Variants in F3 observed in about 807,000 individuals in gnomAD.
The protein encoded by F3 is coagulation factor III, tissue factor.
Under a neutral mutation model 33.5 loss-of-function variants are expected in F3, and 18 were observed. That is an observed-to-expected ratio of 0.54 (90% CI 0.37 to 0.80). The LOEUF (loss-of-function observed/expected upper bound fraction) is 0.80, where lower values mean the gene tolerates loss of function less well. Among genes scored for constraint, F3 ranks in the 30% least tolerant of loss-of-function variants. The pLI is 0.00. For missense variants in F3, 353 were observed against 362.1 expected (o/e 0.97, Z 0.20); for synonymous variants, 147 against 140.7 (o/e 1.05, Z -0.32).
At position 94,536,000 on chromosome 1, in the gene F3, T is replaced by C; in HGVS notation, c.377A>G (p.Tyr126Cys). The C allele has an allele frequency of 2.5e-6, 4 of 1,614,198 alleles. No individual in the cohort carries two copies. Among genetic ancestry groups the C allele is most frequent in the Non-Finnish European group, 3.4e-6 (4 of 1,180,040 alleles). ...AGGTGTGAACTCTGGGGAGTTCTCA[T>C]ACAGAGGCTCCCCAGCAGAACCGGT... ...ESTGSAGEPL[Y>C]ENSPEFTPYL... The change falls in exon 3 of 6, where the codon TAT becomes TGT. Residue 126 changes from tyrosine to cysteine, a missense_variant. Coordinates refer to ENST00000334047, the MANE Select transcript of F3 (RefSeq NM_001993.5).
rs910415288 is a variant in F3 at position 94,529,428 on chromosome 1, T to A, written c.*1032A>T. 9 of 152,588 alleles carry A rather than the reference T, an allele frequency of 5.9e-5. No individual in the cohort carries two copies. Among genetic ancestry groups the A allele is most frequent in the Non-Finnish European group, 1.0e-4 (7 of 68,024 alleles). The allele number at this position is 152,588 out of a possible 1,614,324, so 9.5% of individuals were successfully genotyped here. A position where few individuals can be genotyped will look rare whatever the true frequency, so the allele number is the denominator to read the frequency against. Reference sequence around the variant, plus strand: ...AAAATCCCCATATAGAAAACCTTTTTAAAAAATTATATATACAATGTCAAC... The same window carrying A: ...AAAATCCCCATATAGAAAACCTTTTAAAAAAATTATATATACAATGTCAAC... On this transcript the variant is annotated 3_prime_UTR_variant, in exon 6 of 6. Coordinates refer to ENST00000334047, the MANE Select transcript of F3 (RefSeq NM_001993.5).
rs200075661 is a variant in F3 at position 94,539,515 on chromosome 1, A to G, written c.212+742T>C. On this transcript the variant is annotated intron_variant, in intron 2 of 5. Transcript: ENST00000334047. Reference sequence around the variant, plus strand: ...ATAATTTCCACAGCAGCTATTCTCTATTTCATAAGATCTCTACCAAGCCTC... The same window carrying G: ...ATAATTTCCACAGCAGCTATTCTCTGTTTCATAAGATCTCTACCAAGCCTC... Among the ~76,000 whole-genome samples, 5 of 152,286 alleles carry G rather than the reference A, an allele frequency of 3.3e-5. No homozygotes were observed. In the East Asian group the frequency reaches 9.7e-4, roughly 29 times the overall value.
At chr1:94,530,738 T>C in intron 5 of F3, 142 bp from the exon 6 acceptor site, 1 of 963,174 alleles carries the variant, frequency 1.0e-6, no homozygotes, top group African/African-American at 1.7e-5. Context: ...CACACTTACA[T>C]TAGGAAAGAA....
chr1:94,540,575 G>A, intron 1 of F3: 1 of 507,300 alleles, frequency 2.0e-6, no homozygotes. Flanking sequence ...GATTCACCTT[G>A]TAATCCCAGG....
chr1:94,533,301 A>G (rs1404800481), intron 3 of F3, 33 bp from the exon 4 acceptor site: 4 of 1,591,202 alleles, frequency 2.5e-6, no homozygotes, highest in Non-Finnish European at 3.4e-6. Context: ...GGTTGGAACC[A>G]AAGAATTCTG....
At position 94,529,520 on chromosome 1, in the gene F3, G is replaced by C. The variant is rs770211913; in HGVS notation, c.*940C>G. ...TGTATAGTAGTCTTATAAAAATATAGTTAGCTCTCAAATGTTTAATGCCAC... is the reference window on the plus strand; with the variant it reads ...TGTATAGTAGTCTTATAAAAATATACTTAGCTCTCAAATGTTTAATGCCAC... On this transcript the variant is annotated 3_prime_UTR_variant, in exon 6 of 6. Coordinates refer to ENST00000334047, the MANE Select transcript of F3 (RefSeq NM_001993.5). 6.6e-6 allele frequency: 1 copy of C among 152,574 alleles called. No homozygotes were observed. Among genetic ancestry groups the C allele is most frequent in the Admixed American group, 6.5e-5 (1 of 15,288 alleles). 9.5% of individuals were successfully genotyped at this position (152,574 alleles called of 1,614,324 possible). A position where few individuals can be genotyped will look rare whatever the true frequency, so the allele number is the denominator to read the frequency against.
chr1:94,530,299 C>T lies in F3; in HGVS notation c.*161G>A, dbSNP rs1303606012. The T allele has an allele frequency of 3.7e-6, 3 of 807,472 alleles. No homozygotes were observed. Among genetic ancestry groups the T allele is most frequent in the Admixed American group, 2.8e-5 (1 of 35,798 alleles). The allele number at this position is 807,472 out of a possible 1,614,324, so 50.0% of individuals were successfully genotyped here. On this transcript the variant is annotated 3_prime_UTR_variant, in exon 6 of 6. Transcript: ENST00000334047. ...AAAGTGACTAATGCTGATGTCAAAA[C>T]CAGAATGCTAATGGTAATAACAGGT...
At position 94,532,441 on chromosome 1, in the gene F3, C is replaced by T; in HGVS notation, c.631G>A (p.Val211Met). 1 of 1,614,138 alleles carries T rather than the reference C, an allele frequency of 6.2e-7. No homozygotes were observed. The highest frequency in any genetic ancestry group is 8.5e-7 in the Non-Finnish European group (1 of 1,180,008). The change falls in exon 5 of 6, where the codon GTG becomes ATG. Residue 211 changes from valine (V) to methionine (M), a missense_variant. Coordinates refer to ENST00000334047, the MANE Select transcript of F3 (RefSeq NM_001993.5). ...AAACAGTAGTTTTCTCCTTTATCCACATCAATCAAAAACTCATTAGTGTTT... is the reference window on the plus strand; with the variant it reads ...AAACAGTAGTTTTCTCCTTTATCCATATCAATCAAAAACTCATTAGTGTTT... ...KTNTNEFLID[V>M]DKGENYCFSV...
intron 5 of F3, among the ~76,000 whole-genome samples, chr1:94,531,688 G>C (rs1651431229): frequency 2.0e-5 from 3 of 152,182 alleles, no homozygotes; most frequent in African/African-American, 7.2e-5. Context: ...GAGACACACA[G>C]GCTTGCAGCT....
At chr1:94,532,286 A>G (rs1341260777) in intron 5 of F3, 35 bp downstream of exon 5, 2 of 1,609,420 alleles carry the variant, frequency 1.2e-6, no homozygotes, top group Admixed American at 3.4e-5. Context: ...CACAGCACCC[A>G]TACCCCCAGG....
Position 94,540,300 on chromosome 1 carries a change from A to G in F3, c.169T>C (p.Trp57Arg), listed in dbSNP as rs28672143. Reference sequence around the variant, plus strand: ...ACTTGATTGACGGGTTTGGGTTCCCACTCCAAAATTGTCTTGAAATTAGTT... The same window carrying G: ...ACTTGATTGACGGGTTTGGGTTCCCGCTCCAAAATTGTCTTGAAATTAGTT... ...KSTNFKTILE[W>R]EPKPVNQVYT... The change falls in exon 2 of 6, where the codon TGG becomes CGG. Residue 57 changes from tryptophan to arginine, a missense_variant. By Grantham distance (101) the Trp-to-Arg change is moderately radical. Coordinates refer to ENST00000334047, the MANE Select transcript of F3 (RefSeq NM_001993.5). The G allele has an allele frequency of 6.2e-7, 1 of 1,613,970 alleles. No homozygotes were observed. Among genetic ancestry groups the G allele is most frequent in the South Asian group, 1.1e-5 (1 of 91,076 alleles).
chr1:94,532,343 G>A lies in F3; in HGVS notation c.729C>T (p.Gly243=), dbSNP rs769591046. The A allele has an allele frequency of 1.8e-5, 29 of 1,613,960 alleles. No homozygotes were observed. The highest frequency in any genetic ancestry group is 2.5e-5 in the Non-Finnish European group (29 of 1,180,024). Residue 243 remains glycine (G), a synonymous_variant, in exon 5 of 6, where the codon GGC becomes GGT. Transcript: ENST00000334047. ...CACCTCTGAATTCCCCTTTCTCCTG[G>A]CCCATACACTCTACCGGGCTGTCTG... ...KSTDSPVECM[G]QEKGEFREIF...
At position 94,536,109 on chromosome 1, in the gene F3, C is replaced by T. The variant is rs1268221929; in HGVS notation, c.268G>A (p.Asp90Asn). 6.2e-7 allele frequency: 1 copy of T among 1,614,160 alleles called. No individual in the cohort carries two copies. The highest frequency in any genetic ancestry group is 1.1e-5 in the South Asian group (1 of 91,082). ...TCCTTCACAATCTCGTCGGTGAGGT[C>T]ACACTCTGTGTCTGTTGTGTAAAAG... ...KCFYTTDTECDLTDEIVKDVK... is the reference protein window; with the variant it reads ...KCFYTTDTECNLTDEIVKDVK... The change falls in exon 3 of 6, where the codon GAC (aspartate) becomes AAC (asparagine). Residue 90 changes from aspartate (D) to asparagine (N), a missense_variant. Transcript: ENST00000334047.
chr1:94,538,366 C>A (rs555452603), intron 2 of F3, among the ~76,000 whole-genome samples: 3 of 152,314 alleles, frequency 2.0e-5, no homozygotes, highest in Admixed American at 6.5e-5. Flanking sequence ...GTGAAAAATG[C>A]AGTTGGAGTT....
Position 94,530,385 on chromosome 1 carries a change from C to G in F3, c.*75G>C. 1 of 1,576,184 alleles carries G rather than the reference C, an allele frequency of 6.3e-7. No homozygotes were observed. Among genetic ancestry groups the G allele is most frequent in the Non-Finnish European group, 8.6e-7 (1 of 1,156,758 alleles). ...GCTCCGAAATACTCATTTGCGTTTC[C>G]ATGTATTCTATCCTCTTAAAAGTTC... On this transcript the variant is annotated 3_prime_UTR_variant, in exon 6 of 6. Coordinates refer to ENST00000334047, the MANE Select transcript of F3 (RefSeq NM_001993.5).
At chr1:94,536,317 T>C (rs1013669976) in intron 2 of F3, among the ~76,000 whole-genome samples, 153 bp from the exon 3 acceptor site, 1 of 152,194 alleles carries the variant, frequency 6.6e-6, no homozygotes. Flanking sequence ...CACTTTGCTT[T>C]TTTTTAAACA....
intron 3 of F3, 35 bp from the exon 4 acceptor site, chr1:94,533,303 A>T (rs753908838): frequency 6.3e-7 from 1 of 1,590,254 alleles, no homozygotes; most frequent in South Asian, 1.2e-5. Context: ...TTGGAACCAA[A>T]GAATTCTGTA....
At chr1:94,540,654 G>A in intron 1 of F3, 2 of 339,606 alleles carry the variant, frequency 5.9e-6, no homozygotes, top group Middle Eastern at 9.0e-4. Context: ...TAACTTGACC[G>A]GGAAGAGCCC....
chr1:94,539,571 A>G (rs1651712815), intron 2 of F3, among the ~76,000 whole-genome samples: 1 of 152,198 alleles, frequency 6.6e-6, no homozygotes, highest in Admixed American at 6.5e-5. Flanking sequence ...AAAACTTGCC[A>G]AGAATATGGT....
Sources: gnomAD v4.1 joint callset for allele counts (sites outside exome capture counted in the v4.1 genomes callset) on GRCh38, gnomAD v4.1.1 for gene constraint, MANE v1.5 for transcripts, NCBI Gene and HGNC (gene_info 2026-07-23, HGNC 2026-07-21) for gene names.